Variants in PATJ observed in about 807,000 individuals in gnomAD.
The protein encoded by PATJ is PATJ crumbs cell polarity complex component.
Under a neutral mutation model 224.9 loss-of-function variants are expected in PATJ, and 190 were observed. That is an observed-to-expected ratio of 0.84 (90% CI 0.75 to 0.95). The LOEUF is 0.95. PATJ is among the 40% of genes least tolerant of loss of function. The pLI, the probability that PATJ is intolerant of heterozygous loss-of-function variation, is 0.00. For synonymous variants in PATJ, 769 were observed against 820.3 expected (o/e 0.94, Z 1.07); for missense variants, 2,121 against 2,270.3 (o/e 0.93, Z 1.34).
chr1:61,829,069 C>T (rs2148765618), intron 16 of PATJ, among the ~76,000 whole-genome samples: 1 of 152,276 alleles, frequency 6.6e-6, no homozygotes, highest in Admixed American at 6.5e-5. Context: ...GAGTCTCTGC[C>T]AGTCCATCCG....
At chr1:61,825,994 T>C (rs1234034701) in intron 15 of PATJ, among the ~76,000 whole-genome samples, 1 of 152,196 alleles carries the variant, frequency 6.6e-6, no homozygotes, top group African/African-American at 2.4e-5. Context: ...TCTTCTTGTG[T>C]AAAGGTTGAC....
intron 22 of PATJ, among the ~76,000 whole-genome samples, chr1:61,891,310 C>T (rs1464124906): frequency 1.3e-5 from 2 of 152,122 alleles, no homozygotes; most frequent in Non-Finnish European, 2.9e-5. Context: ...CAACACAGTG[C>T]CTGGCATTTA....
chr1:61,744,823 T>A (rs560351507), intron 1 of PATJ, among the ~76,000 whole-genome samples: 2 of 152,332 alleles, frequency 1.3e-5, no homozygotes, highest in Non-Finnish European at 2.9e-5. Context: ...TAGATTGTTT[T>A]ACCCCGGCTT....
chr1:61,850,461 T>C (rs892718654), intron 17 of PATJ, among the ~76,000 whole-genome samples: 6 of 152,254 alleles, frequency 3.9e-5, no homozygotes, highest in African/African-American at 1.4e-4. Context: ...TACCTGTACA[T>C]GCAGGCATGC....
chr1:62,116,480 G>C, intron 35 of PATJ, 52 bp from the exon 36 acceptor site: 2 of 1,595,676 alleles, frequency 1.3e-6, no homozygotes, highest in Non-Finnish European at 1.7e-6. Context: ...CACGTATTAT[G>C]CATGGAAATA....
chr1:61,860,102 A>C (rs1377976317), intron 18 of PATJ, among the ~76,000 whole-genome samples: 14 of 152,204 alleles, frequency 9.2e-5, no homozygotes. Context: ...ATATCTATAC[A>C]CTTCATGTTA....
chr1:61,861,634 T>C lies in PATJ; in HGVS notation c.2406T>C (p.Asp802=), dbSNP rs141734583. 35 of 1,471,566 alleles carry C rather than the reference T, an allele frequency of 2.4e-5. No individual in the cohort carries two copies. Among genetic ancestry groups the C allele is most frequent in the Non-Finnish European group, 2.9e-5 (32 of 1,096,836 alleles). 91.2% of individuals were successfully genotyped at this position (1,471,566 alleles called of 1,614,324 possible). A position where few individuals can be genotyped will look rare whatever the true frequency, so the allele number is the denominator to read the frequency against. ...CTGAATTTTCAGGAACAATTCATGA[T>C]ATAAATTCATCTTTAATACTCGAAG... ...DKTEFSGTIH[D]INSSLILEAP... The change falls in exon 19 of 44, where the codon GAT becomes GAC. Residue 802 remains aspartate, a synonymous_variant. Transcript: ENST00000642238.
intron 31 of PATJ, among the ~76,000 whole-genome samples, chr1:62,061,153 G>A (rs1022297735): frequency 2.6e-5 from 4 of 151,948 alleles, no homozygotes; most frequent in Non-Finnish European, 5.9e-5. Context: ...GCCTCTTCTT[G>A]TAGTCCCCAG....
At chr1:61,829,012 T>C (rs1477774073) in intron 16 of PATJ, among the ~76,000 whole-genome samples, 1 of 152,234 alleles carries the variant, frequency 6.6e-6, no homozygotes, top group African/African-American at 2.4e-5. Context: ...CTTAACACAA[T>C]GCCTTGTACG....
intron 18 of PATJ, among the ~76,000 whole-genome samples, chr1:61,859,034 T>G (rs1457682221): frequency 6.6e-6 from 1 of 152,210 alleles, no homozygotes; most frequent in East Asian, 1.9e-4. Context: ...CCTCATCTTC[T>G]TAATGTTTTG....
chr1:61,868,250 A>G lies in PATJ; in HGVS notation c.2835+3617A>G, dbSNP rs542763320. Among the ~76,000 whole-genome samples the G allele has an allele frequency of 3.9e-5, 6 of 152,340 alleles. No individual in the cohort carries two copies. The South Asian group carries it at 1.2e-3, about 32-fold the overall frequency. ...GTGTAAACATGGCCACCATGTTGCT[A>G]CAGATCTTATCATCCCACACTGAAA... On this transcript the variant is annotated intron_variant, in intron 20 of 43. Transcript: ENST00000642238.
intron 23 of PATJ, among the ~76,000 whole-genome samples, chr1:61,899,893 T>A (rs1670885128): frequency 6.6e-6 from 1 of 152,254 alleles, no homozygotes; most frequent in Non-Finnish European, 1.5e-5. Context: ...GCAACTTAGA[T>A]GTCCATCTAA....
intron 27 of PATJ, among the ~76,000 whole-genome samples, chr1:61,929,378 T>C (rs961124796): frequency 2.0e-5 from 3 of 152,150 alleles, no homozygotes; most frequent in African/African-American, 7.2e-5. Context: ...TGCTTATCTA[T>C]GTGGGGGTGA....
At chr1:61,919,477 G>A (rs1244775805) in intron 26 of PATJ, among the ~76,000 whole-genome samples, 4 of 144,486 alleles carry the variant, frequency 2.8e-5, no homozygotes, top group African/African-American at 9.9e-5. Context: ...CTAGTTTTTT[G>A]TATTTTTTTT....
chr1:62,098,136 G>C (rs1041830592), intron 33 of PATJ, among the ~76,000 whole-genome samples: 1 of 151,904 alleles, frequency 6.6e-6, no homozygotes, highest in African/African-American at 2.4e-5. Context: ...GAGGCAGGTG[G>C]ATCACGAGGT....
chr1:62,046,094 T>C (rs1652498137), intron 30 of PATJ, among the ~76,000 whole-genome samples: 1 of 151,984 alleles, frequency 6.6e-6, no homozygotes, highest in African/African-American at 2.4e-5. Context: ...CCCAGCTACT[T>C]GGGAGGCTGA....
intron 41 of PATJ, among the ~76,000 whole-genome samples, chr1:62,131,400 GTC>G (rs930520721): frequency 2.6e-5 from 4 of 152,216 alleles, no homozygotes; most frequent in African/African-American, 9.6e-5. Flanking sequence ...CCAGAAAAAA[GTC>G]TCTCTCCCTT....
intron 14 of PATJ, among the ~76,000 whole-genome samples, chr1:61,809,037 A>G (rs1654152141): frequency 6.6e-6 from 1 of 152,258 alleles, no homozygotes; most frequent in Non-Finnish European, 1.5e-5. Flanking sequence ...CAGATGTTCA[A>G]GGAAAGAAAA....
At chr1:61,908,134 G>A (rs964631893) in intron 24 of PATJ, among the ~76,000 whole-genome samples, 1 of 152,128 alleles carries the variant, frequency 6.6e-6, no homozygotes, top group African/African-American at 2.4e-5. Flanking sequence ...ATTTAACCAG[G>A]GATGTTTTTA....
Sources: allele counts gnomAD v4.1 joint callset (sites outside exome capture counted in the v4.1 genomes callset), GRCh38; gene constraint gnomAD v4.1.1; transcripts MANE v1.5; gene names NCBI Gene and HGNC (gene_info 2026-07-23, HGNC 2026-07-21).